GATAD2A: variants seen among roughly 807,000 people sequenced by gnomAD.
GATAD2A encodes transcriptional repressor p66-alpha.
In GATAD2A, 12 loss-of-function variants were observed where a neutral mutation model predicts 68.5. The observed-to-expected ratio is 0.18, with a 90% confidence interval of 0.11 to 0.28. GATAD2A has a LOEUF of 0.28. Among genes scored for constraint, GATAD2A ranks in the 10% least tolerant of loss-of-function variants. GATAD2A has a pLI of 1.00. For missense variants in GATAD2A, 755 were observed against 868.5 expected, an observed-to-expected ratio of 0.87 and a Z score of 1.64; for synonymous variants, 410 against 375.3, an observed-to-expected ratio of 1.09 and a Z score of -1.07.
In GATAD2A at chr19:19,501,203, G is replaced by A. The variant is rs746796551; in HGVS notation, c.1290G>A (p.Arg430=). Residue 430 remains arginine (R), a synonymous_variant, in exon 9 of 12, where the codon CGG becomes CGA. Transcript: ENST00000683918. ...QCKTDFTCRW[R]EEKSGAIMCE... ...AGACGGACTTCACGTGCCGCTGGCG[G>A]GAGGAGAAGAGCGGCGCCATCATGT... The A allele has an allele frequency of 1.2e-6, 2 of 1,608,136 alleles. No individual in the cohort carries two copies. Among genetic ancestry groups the A allele is most frequent in the South Asian group, 1.1e-5 (1 of 91,082 alleles).
chr19:19,499,307 C>T (rs1476807404), intron 8 of GATAD2A, among the ~76,000 whole-genome samples: 1 of 152,182 alleles, frequency 6.6e-6, no homozygotes, highest in African/African-American at 2.4e-5. Flanking sequence ...GCCCCTGCTC[C>T]CCAGACATGG....
chr19:19,497,037 T>C (rs1321497291), intron 7 of GATAD2A, among the ~76,000 whole-genome samples: 2 of 152,226 alleles, frequency 1.3e-5, no homozygotes, highest in Admixed American at 1.3e-4. Context: ...GTTGACTTTT[T>C]TTCTTTTTTG....
intron 1 of GATAD2A, among the ~76,000 whole-genome samples, chr19:19,398,453 G>T (rs1029619433): frequency 6.7e-6 from 1 of 148,704 alleles, no homozygotes; most frequent in Non-Finnish European, 1.5e-5. Context: ...CGCTTGCCTC[G>T]GCCTCCCAAA....
At position 19,507,680 on chromosome 19, in the gene GATAD2A, C is replaced by T. The variant is rs553552396; in HGVS notation, c.*2206C>T. 8 of 152,312 alleles carry T rather than the reference C, an allele frequency of 5.3e-5. No homozygotes were observed. The East Asian group carries it at 5.8e-4, about 11-fold the overall frequency. 9.4% of individuals were successfully genotyped at this position (152,312 alleles called of 1,614,324 possible). The stretch of plus-strand genomic sequence containing the variant: ...TGAGTTCATATGGACTGCTGCCCCT[C>T]GAAAGGGAGAGGGTCGGCCCCATGT... On this transcript the variant is annotated 3_prime_UTR_variant, in exon 12 of 12. Transcript: ENST00000683918.
At chr19:19,443,508 T>C (rs190234192) in intron 1 of GATAD2A, among the ~76,000 whole-genome samples, 2 of 152,326 alleles carry the variant, frequency 1.3e-5, no homozygotes, top group African/African-American at 4.8e-5. Context: ...GTTGTGGTCA[T>C]GCTTGTTCTG....
chr19:19,405,551 A>AGGGGCGGTGCTTCC (rs1286179062), upstream of GATAD2A, among the ~76,000 whole-genome samples: 1 of 151,796 alleles, frequency 6.6e-6, no homozygotes, highest in Non-Finnish European at 1.5e-5. Flanking sequence ...CGCGCCGGAG[A>AGGGGCGGTGCTTCC]GGGGCGGTGC....
intron 1 of GATAD2A, among the ~76,000 whole-genome samples, chr19:19,446,926 G>A (rs762309670): frequency 7.2e-5 from 11 of 152,200 alleles, no homozygotes; most frequent in South Asian, 2.1e-4. Context: ...GGCATTAACC[G>A]GGAAGGAGGT....
At chr19:19,494,496 T>C (rs1043713075) in intron 5 of GATAD2A, 113 bp downstream of exon 5, 2 of 649,312 alleles carry the variant, frequency 3.1e-6, no homozygotes, top group Non-Finnish European at 5.5e-6. Context: ...AGGTTGCGCT[T>C]TCCTTCTGAG....
intron 2 of GATAD2A, among the ~76,000 whole-genome samples, chr19:19,470,161 T>A (rs1043871002): frequency 1.3e-5 from 2 of 148,720 alleles, no homozygotes; most frequent in East Asian, 2.0e-4. Context: ...TTTTGTTTTT[T>A]TTTTTTTGAG....
chr19:19,392,692 G>GT (rs35476291), intron 1 of GATAD2A, among the ~76,000 whole-genome samples: 22,986 of 131,448 alleles, frequency 0.17, 2,149 homozygotes, highest in Middle Eastern at 0.32. Context: ...GTCCGGTCAA[G>GT]TTTTTTTTTT....
chr19:19,492,428 AGGCCCTCAT>A lies in GATAD2A; in HGVS notation c.395_402+1del. ...GTGGCCTTGAAGGAGACTAGCACCG[AGGCCCTCAT>A]GGTGAGCCACGTGTTGGCGCTGCCG... On this transcript the variant is annotated inframe_deletion and splice_region_variant, in exon 3 of 12. Coordinates refer to ENST00000683918, the MANE Select transcript of GATAD2A (RefSeq NM_001384528.1). 2 of 1,613,952 alleles carry A rather than the reference AGGCCCTCAT, an allele frequency of 1.2e-6. No homozygotes were observed. The highest frequency in any genetic ancestry group is 1.7e-6 in the Non-Finnish European group (2 of 1,179,888).
At chr19:19,456,283 A>G (rs975117953) in intron 1 of GATAD2A, among the ~76,000 whole-genome samples, 3 of 152,168 alleles carry the variant, frequency 2.0e-5, no homozygotes, top group Non-Finnish European at 4.4e-5. Context: ...CACCTCAGAC[A>G]TGCTCCAAGT....
At chr19:19,445,176 G>A (rs981676771) in intron 1 of GATAD2A, among the ~76,000 whole-genome samples, 6 of 152,088 alleles carry the variant, frequency 3.9e-5, no homozygotes, top group African/African-American at 1.4e-4. Flanking sequence ...GTGGTTGGTG[G>A]TGACATAGAG....
At position 19,501,468 on chromosome 19, in the gene GATAD2A, C is replaced by A. The variant is rs772449901; in HGVS notation, c.1503+52C>A. 14 of 1,374,868 alleles carry A rather than the reference C, an allele frequency of 1.0e-5. No homozygotes were observed. In the South Asian group the frequency reaches 1.7e-4, roughly 17 times the overall value. The allele number at this position is 1,374,868 out of a possible 1,614,324, so 85.2% of individuals were successfully genotyped here. A position where few individuals can be genotyped will look rare whatever the true frequency, so the allele number is the denominator to read the frequency against. On this transcript the variant is annotated intron_variant, in intron 9 of 11. Transcript: ENST00000683918. ...CCGTCCCTAGGAGGCAGAGGCCGTT[C>A]CGCGATCCACCCCACGCCTGCGCTG...
intron 1 of GATAD2A, among the ~76,000 whole-genome samples, chr19:19,454,368 TG>T (rs1248084078): frequency 6.7e-6 from 1 of 150,184 alleles, no homozygotes; most frequent in Non-Finnish European, 1.5e-5. Flanking sequence ...GAGGCCGAGG[TG>T]GGTGGATCAC....
intron 1 of GATAD2A, among the ~76,000 whole-genome samples, chr19:19,417,997 A>G (rs1469713): frequency 0.43 from 65,693 of 151,642 alleles, 15,542 homozygotes; most frequent in African/African-American, 0.63. Flanking sequence ...TGATGCAGAC[A>G]TCTGGGGCAC....
chr19:19,420,180 T>TG (rs1011987309), intron 1 of GATAD2A, among the ~76,000 whole-genome samples: 5 of 142,268 alleles, frequency 3.5e-5, no homozygotes, highest in Non-Finnish European at 7.7e-5. Context: ...CCAGCTAGTT[T>TG]TTTTTTTTTT....
intron 1 of GATAD2A, among the ~76,000 whole-genome samples, chr19:19,408,530 T>C (rs1481001495): frequency 6.8e-6 from 1 of 148,030 alleles, no homozygotes; most frequent in South Asian, 2.1e-4. Context: ...GTATTTTGCG[T>C]GTGTGTGTAT....
intron 2 of GATAD2A, among the ~76,000 whole-genome samples, chr19:19,472,055 G>T (rs953964501): frequency 2.0e-5 from 3 of 152,182 alleles, no homozygotes; most frequent in African/African-American, 7.2e-5. Flanking sequence ...GGGTTTTTCT[G>T]TTGTTCTTTT....
Sources: allele counts gnomAD v4.1 joint callset (sites outside exome capture counted in the v4.1 genomes callset), GRCh38; gene constraint gnomAD v4.1.1; transcripts MANE v1.5; gene names NCBI Gene and HGNC (gene_info 2026-07-23, HGNC 2026-07-21).